IL4R: variants seen among roughly 807,000 people sequenced by gnomAD.
IL4R encodes the protein interleukin-4 receptor subunit alpha.
IL4R carries 17 observed loss-of-function variants against 41.5 expected under a neutral mutation model. That is an observed-to-expected ratio of 0.41 (90% CI 0.28 to 0.61). The LOEUF is 0.61. Among genes scored for constraint, IL4R ranks in the 20% least tolerant of loss-of-function variants. IL4R has a pLI of 0.31. For missense variants in IL4R, 974 were observed against 1,043.1 expected, an observed-to-expected ratio of 0.93 and a Z score of 0.91; for synonymous variants, 402 against 422.9, an observed-to-expected ratio of 0.95 and a Z score of 0.61.
intron 10 of IL4R, 89 bp downstream of exon 10, chr16:27,360,904 T>A: frequency 6.2e-7 from 1 of 1,611,156 alleles, no homozygotes; most frequent in Non-Finnish European, 8.5e-7. Flanking sequence ...GTCTGCCTTC[T>A]CTTCCCTGCA....
At chr16:27,326,439 G>T (rs1223430824) in intron 1 of IL4R, among the ~76,000 whole-genome samples, 1 of 152,230 alleles carries the variant, frequency 6.6e-6, no homozygotes, top group East Asian at 1.9e-4. Flanking sequence ...GTTTGAGGTT[G>T]CAGTGAGCTA....
At chr16:27,350,405 C>A (rs2085822930) in intron 6 of IL4R, among the ~76,000 whole-genome samples, 1 of 152,120 alleles carries the variant, frequency 6.6e-6, no homozygotes, top group Non-Finnish European at 1.5e-5. Flanking sequence ...ATAGGAAAAT[C>A]TCTGAACTCT....
chr16:27,357,809 G>C lies in IL4R; in HGVS notation c.771-1107G>C, dbSNP rs572144871. Among the ~76,000 whole-genome samples the C allele has an allele frequency of 2.6e-5, 4 of 152,000 alleles. No homozygotes were observed. The South Asian group carries it at 8.3e-4, about 32-fold the overall frequency. Reference sequence around the variant, plus strand: ...ACTGGCTGTCACTTATGTAGCCCAGGCTGATCTTGAACTTCTACCCCTTTA... The same window carrying C: ...ACTGGCTGTCACTTATGTAGCCCAGCCTGATCTTGAACTTCTACCCCTTTA... On this transcript the variant is annotated intron_variant, in intron 8 of 10. Transcript: ENST00000395762.
chr16:27,338,958 G>A (rs2085349117), intron 2 of IL4R, among the ~76,000 whole-genome samples: 1 of 151,970 alleles, frequency 6.6e-6, no homozygotes, highest in Non-Finnish European at 1.5e-5. Flanking sequence ...CAGTTCAAGC[G>A]ATTCTCCTGC....
chr16:27,354,326 T>A (rs1464227107), intron 7 of IL4R, among the ~76,000 whole-genome samples: 2 of 152,234 alleles, frequency 1.3e-5, no homozygotes, highest in East Asian at 3.8e-4. Flanking sequence ...TCCTTAGACT[T>A]GCCACCCATG....
chr16:27,340,236 T>C lies in IL4R; in HGVS notation c.33T>C (p.Pro11=). MGWLCSGLLF[P]VSCLVLLQVA... is the part of the protein sequence containing the mutation. ...GGCTTTGCTCTGGGCTCCTGTTCCC[T>C]GTGAGCTGCCTGGTCCTGCTGCAGG... Residue 11 remains proline (P), a synonymous_variant, in exon 3 of 11, where the codon CCT becomes CCC. Coordinates refer to ENST00000395762, the MANE Select transcript of IL4R (RefSeq NM_000418.4). 1 of 1,613,992 alleles carries C rather than the reference T, an allele frequency of 6.2e-7. No individual in the cohort carries two copies. The highest frequency in any genetic ancestry group is 8.5e-7 in the Non-Finnish European group (1 of 1,179,938).
Position 27,342,219 on chromosome 16 carries a change from G to C in IL4R, c.169G>C (p.Glu57Gln). The change falls in exon 4 of 11, where the codon GAG becomes CAG. Residue 57 changes from glutamate to glutamine, a missense_variant. Glu to Gln is a conservative substitution (Grantham distance 29, BLOSUM62 2). Around this residue, in one of 3 missense-constraint regions of IL4R, gnomAD observed 284 missense variants for 313.4 expected, o/e 0.91. Transcript: ENST00000395762. ...KMNGPTNCST[E>Q]LRLLYQLVFL... Reference sequence around the variant, plus strand: ...GAATGGTCCCACCAATTGCAGCACCGAGCTCCGCCTGTTGTACCAGCTGGT... The same window carrying C: ...GAATGGTCCCACCAATTGCAGCACCCAGCTCCGCCTGTTGTACCAGCTGGT... The C allele has an allele frequency of 6.2e-7, 1 of 1,614,212 alleles. No individual in the cohort carries two copies. The highest frequency in any genetic ancestry group is 8.5e-7 in the Non-Finnish European group (1 of 1,180,042).
intron 8 of IL4R, among the ~76,000 whole-genome samples, chr16:27,357,668 T>G (rs1418217911): frequency 2.0e-5 from 3 of 152,000 alleles, no homozygotes; most frequent in Non-Finnish European, 2.9e-5. Context: ...TTCACCATGT[T>G]GGCCAGGATG....
At chr16:27,336,676 C>CAAAA (rs67336687) in intron 2 of IL4R, among the ~76,000 whole-genome samples, 3 of 68,334 alleles carry the variant, frequency 4.4e-5, no homozygotes, top group African/African-American at 1.5e-4. Context: ...AACTCTGTCT[C>CAAAA]AAAAAAAAAA....
chr16:27,323,327 C>T (rs968396858), intron 1 of IL4R, among the ~76,000 whole-genome samples: 1 of 152,230 alleles, frequency 6.6e-6, no homozygotes, highest in African/African-American at 2.4e-5. Flanking sequence ...AAATTCTGAA[C>T]CTCCCTCAGC....
At position 27,362,949 on chromosome 16, in the gene IL4R, G is replaced by A; in HGVS notation, c.1597G>A (p.Val533Ile). 1 of 1,614,178 alleles carries A rather than the reference G, an allele frequency of 6.2e-7. No homozygotes were observed. The highest frequency in any genetic ancestry group is 1.1e-5 in the South Asian group (1 of 91,086). The change falls in exon 11 of 11, where the codon GTC (valine) becomes ATC (isoleucine). Residue 533 changes from valine to isoleucine, a missense_variant. Coordinates refer to ENST00000395762, the MANE Select transcript of IL4R (RefSeq NM_000418.4). The part of the protein sequence containing the change: ...LEEVEPEMPC[V>I]PQLSEPTTVP... ...GGAAGTAGAACCCGAGATGCCCTGT[G>A]TCCCCCAGCTCTCTGAGCCAACCAC...
At position 27,359,675 on chromosome 16, in the gene IL4R, T is replaced by G; in HGVS notation, c.849+681T>G. 4 of 405,650 alleles carry G rather than the reference T, an allele frequency of 9.9e-6. No individual in the cohort carries two copies. In the East Asian group the frequency reaches 3.0e-4, roughly 30 times the overall value. The allele number at this position is 405,650 out of a possible 1,614,324, so 25.1% of individuals were successfully genotyped here. ...GCAGTGTGGACTTGAGCAAGTTGCT[T>G]AATTCTCTGAGCCTCAGTTTCCTCT... On this transcript the variant is annotated intron_variant, in intron 9 of 10. Transcript: ENST00000395762.
Position 27,345,679 on chromosome 16 carries a change from T to G in IL4R, c.361+659T>G. The G allele has an allele frequency of 6.4e-6, 1 of 157,086 alleles. No homozygotes were observed. The highest frequency in any genetic ancestry group is 1.9e-4 in the East Asian group (1 of 5,322). The allele number at this position is 157,086 out of a possible 1,614,324, so 9.7% of individuals were successfully genotyped here. On this transcript the variant is annotated intron_variant, in intron 5 of 10. Coordinates refer to ENST00000395762, the MANE Select transcript of IL4R (RefSeq NM_000418.4). The surrounding 1 kb of genome is among the most constrained non-coding windows in gnomAD (Gnocchi z 4.5). ...GTGTGAAGGATGCAGCTGTAAAAGC[T>G]GAAGTTTGAGGCCGGGTGTGGTGGT...
At chr16:27,335,457 T>A (rs955379026) in intron 2 of IL4R, among the ~76,000 whole-genome samples, 1 of 152,064 alleles carries the variant, frequency 6.6e-6, no homozygotes, top group Non-Finnish European at 1.5e-5. Flanking sequence ...AGCCTCCAAC[T>A]CCCAGGCTCA....
chr16:27,349,747 T>TTTGTTG (rs3024594), intron 6 of IL4R, among the ~76,000 whole-genome samples: 1 of 151,874 alleles, frequency 6.6e-6, no homozygotes, highest in African/African-American at 2.4e-5. Flanking sequence ...GGGCTGAGTT[T>TTTGTTG]TTGTTGTTGT....
chr16:27,327,744 C>T (rs2084997852), intron 1 of IL4R, among the ~76,000 whole-genome samples: 1 of 152,068 alleles, frequency 6.6e-6, no homozygotes, highest in African/African-American at 2.4e-5. Flanking sequence ...CTTTTTGTGC[C>T]TCAGTCTTCT....
chr16:27,345,026 C>G lies in IL4R; in HGVS notation c.361+6C>G. The G allele has an allele frequency of 7.1e-7, 1 of 1,416,452 alleles. No homozygotes were observed. Among genetic ancestry groups the G allele is most frequent in the South Asian group, 1.1e-5 (1 of 88,918 alleles). The allele number at this position is 1,416,452 out of a possible 1,614,324, so 87.7% of individuals were successfully genotyped here. On this transcript the variant is annotated splice_donor_region_variant and intron_variant, in intron 5 of 10. Transcript: ENST00000395762. The surrounding 1 kb of genome is among the most constrained non-coding windows in gnomAD (Gnocchi z 4.5). ...CTTCAAGCCCAGCGAGCATGGTGAG[C>G]AGGGCGGAGTGCGGCAGGGGTGGCT... is the stretch of plus-strand genomic sequence containing the variant.
chr16:27,340,502 C>T (rs1003326912), intron 3 of IL4R, among the ~76,000 whole-genome samples: 4 of 152,076 alleles, frequency 2.6e-5, no homozygotes, highest in African/African-American at 9.7e-5. Context: ...GCAGGAGGAT[C>T]GCTTGAGCCC....
intron 1 of IL4R, among the ~76,000 whole-genome samples, chr16:27,320,691 T>C (rs1694434607): frequency 6.6e-6 from 1 of 152,216 alleles, no homozygotes; most frequent in Admixed American, 6.5e-5. Flanking sequence ...AGAACCATTT[T>C]TGAAAAACTC....
Sources: gnomAD v4.1 joint callset for allele counts (sites outside exome capture counted in the v4.1 genomes callset) on GRCh38, gnomAD v4.1.1 for gene constraint, gnomAD v4.1.1 regional missense constraint, Gnocchi (gnomAD v3.1) non-coding constraint, MANE v1.5 for transcripts, NCBI Gene and HGNC (gene_info 2026-07-23, HGNC 2026-07-21) for gene names.